The following SUGT1 variants were observed in gnomAD, a reference collection of about 807,000 sequenced individuals.
SUGT1 encodes the protein protein SGT1 homolog.
SUGT1 carries 15 observed loss-of-function variants against 56.1 expected under a neutral mutation model. That is an observed-to-expected ratio of 0.27 (90% CI 0.18 to 0.41). The LOEUF (loss-of-function observed/expected upper bound fraction) is 0.41, where lower values mean the gene tolerates loss of function less well. Among genes scored for constraint, SUGT1 ranks in the 10% least tolerant of loss-of-function variants. SUGT1 has a pLI of 1.00. For synonymous variants in SUGT1, 123 were observed against 128.6 expected (o/e 0.96, Z 0.30); for missense variants, 347 against 382.2 (o/e 0.91, Z 0.77).
At chr13:52,665,845 A>G (rs1157826265) in intron 9 of SUGT1, 112 bp downstream of exon 9, 4 of 687,814 alleles carry the variant, frequency 5.8e-6, no homozygotes, top group Non-Finnish European at 9.1e-6. Context: ...TCCTGAGATG[A>G]TTTGGAAAAT....
Position 52,659,263 on chromosome 13 carries a change from A to AG in SUGT1, c.328+14_328+15insG. On this transcript the variant is annotated intron_variant, in intron 5 of 12. Transcript: ENST00000310528. Reference sequence around the variant, plus strand: ...AAAAATTAGATAGTAAGTATTAAAAATTATACTTTAATAAACTTATCTATT... The same window carrying AG: ...AAAAATTAGATAGTAAGTATTAAAAAGTTATACTTTAATAAACTTATCTATT... The AG allele has an allele frequency of 7.2e-7, 1 of 1,395,428 alleles. No homozygotes were observed. Among genetic ancestry groups the AG allele is most frequent in the East Asian group, 2.8e-5 (1 of 35,994 alleles). The allele number at this position is 1,395,428 out of a possible 1,614,324, so 86.4% of individuals were successfully genotyped here.
At chr13:52,674,427 T>G (rs574532095) in intron 10 of SUGT1, among the ~76,000 whole-genome samples, 1 of 152,164 alleles carries the variant, frequency 6.6e-6, no homozygotes, top group African/African-American at 2.4e-5. Context: ...AAAATAAAAA[T>G]AAACGCTTGA....
chr13:52,659,477 A>AG (rs1962321610), intron 5 of SUGT1, among the ~76,000 whole-genome samples: 2 of 152,132 alleles, frequency 1.3e-5, no homozygotes, highest in South Asian at 4.1e-4. Context: ...AGTAAAAAAA[A>AG]CTATGGAAAC....
In SUGT1 at chr13:52,687,894, A is replaced by G; in HGVS notation, c.*59A>G. The G allele has an allele frequency of 9.1e-7, 1 of 1,101,734 alleles. No individual in the cohort carries two copies. Among genetic ancestry groups the G allele is most frequent in the Non-Finnish European group, 1.3e-6 (1 of 785,864 alleles). The allele number at this position is 1,101,734 out of a possible 1,614,324, so 68.2% of individuals were successfully genotyped here. A position where few individuals can be genotyped will look rare whatever the true frequency, so the allele number is the denominator to read the frequency against. ...TTCACCTAATGCCCATTGTGTATTG[A>G]TATTGCATTCTTGAATTTTGAACAC... On this transcript the variant is annotated 3_prime_UTR_variant, in exon 13 of 13. Transcript: ENST00000310528.
intron 8 of SUGT1, among the ~76,000 whole-genome samples, chr13:52,665,028 A>G (rs1298311067): frequency 5.3e-5 from 8 of 152,168 alleles, no homozygotes; most frequent in Non-Finnish European, 1.5e-5. Context: ...TAGACCCATT[A>G]GTCTTTCCAT....
At chr13:52,680,736 G>A (rs531134080) in intron 12 of SUGT1, among the ~76,000 whole-genome samples, 67 of 152,298 alleles carry the variant, frequency 4.4e-4, no homozygotes, top group African/African-American at 1.6e-3. Flanking sequence ...CATATTTACA[G>A]TAGAAAGTTA....
Position 52,658,227 on chromosome 13 carries a change from G to A in SUGT1, c.188-172G>A, listed in dbSNP as rs764659552. 10 of 1,515,706 alleles carry A rather than the reference G, an allele frequency of 6.6e-6. 1 individual carries two copies. The South Asian group carries it at 1.1e-4, about 17-fold the overall frequency. 93.9% of individuals were successfully genotyped at this position (1,515,706 alleles called of 1,614,324 possible). ...AGCTAAATGTTAAGCCAAAAGGAAG[G>A]TACAAGAGTAATATTTATTTGAATT... On this transcript the variant is annotated intron_variant, in intron 3 of 12. Transcript: ENST00000310528.
chr13:52,669,715 A>G (rs192676668), intron 10 of SUGT1, among the ~76,000 whole-genome samples: 2 of 152,290 alleles, frequency 1.3e-5, no homozygotes, highest in African/African-American at 2.4e-5. Context: ...TACCATATAT[A>G]TATATATGTG....
rs1349731053 is a variant in SUGT1, at chr13:52,693,634, T to A, written c.*5799T>A. Reference sequence around the variant, plus strand: ...AAAGGAGATAATAGGATCCCCCTCATGCCTCATGGTCTTAGTTGAATGAAT... The same window carrying A: ...AAAGGAGATAATAGGATCCCCCTCAAGCCTCATGGTCTTAGTTGAATGAAT... On this transcript the variant is annotated 3_prime_UTR_variant, in exon 13 of 13. Coordinates refer to ENST00000310528, the MANE Select transcript of SUGT1 (RefSeq NM_006704.5). 6.6e-6 allele frequency: 1 copy of A among 151,756 alleles called. No individual in the cohort carries two copies. The highest frequency in any genetic ancestry group is 1.5e-5 in the Non-Finnish European group (1 of 68,038). The allele number at this position is 151,756 out of a possible 1,614,324, so 9.4% of individuals were successfully genotyped here. A position where few individuals can be genotyped will look rare whatever the true frequency, so the allele number is the denominator to read the frequency against.
At chr13:52,666,985 T>C (rs1216770552) in intron 10 of SUGT1, 66 bp downstream of exon 10, 6 of 1,077,954 alleles carry the variant, frequency 5.6e-6, no homozygotes, top group Non-Finnish European at 8.4e-6. Flanking sequence ...GGTGAACTAA[T>C]CACCCATGTG....
rs1046402897 is a variant in SUGT1 at position 52,694,015 on chromosome 13, A to G, written c.*6180A>G. 11 of 152,236 alleles carry G rather than the reference A, an allele frequency of 7.2e-5. No homozygotes were observed. The East Asian group carries it at 1.7e-3, about 24-fold the overall frequency. The allele number at this position is 152,236 out of a possible 1,614,324, so 9.4% of individuals were successfully genotyped here. ...ATAATAGAATATACAATATACCGCA[A>G]TAAAACTTATGTGAACAGTTATTTT... On this transcript the variant is annotated 3_prime_UTR_variant, in exon 13 of 13. Transcript: ENST00000310528.
chr13:52,667,030 A>T (rs968455260), intron 10 of SUGT1, 111 bp downstream of exon 10: 1 of 681,104 alleles, frequency 1.5e-6, no homozygotes, highest in African/African-American at 1.8e-5. Context: ...GCCCTTTAAC[A>T]GGGACAAGAA....
chr13:52,670,386 CTA>C (rs1416822586), intron 10 of SUGT1, among the ~76,000 whole-genome samples: 4 of 152,186 alleles, frequency 2.6e-5, no homozygotes, highest in African/African-American at 9.7e-5. Flanking sequence ...AATTAAGAAA[CTA>C]TATGTCTTTC....
chr13:52,653,927 T>G (rs1026968129), intron 2 of SUGT1, among the ~76,000 whole-genome samples: 7 of 152,220 alleles, frequency 4.6e-5, no homozygotes, highest in Non-Finnish European at 7.3e-5. Context: ...ATAAGAAATG[T>G]GCCACATGGT....
At chr13:52,677,901 T>C (rs1035635331) in intron 11 of SUGT1, among the ~76,000 whole-genome samples, 3 of 152,200 alleles carry the variant, frequency 2.0e-5, no homozygotes, top group African/African-American at 4.8e-5. Context: ...AGATCAAGGC[T>C]TTTTAGTGTT....
rs1205219991 is a variant in SUGT1 at position 52,694,712 on chromosome 13, CG to C, written c.*6879del. The C allele has an allele frequency of 6.6e-6, 1 of 152,282 alleles. No homozygotes were observed. The highest frequency in any genetic ancestry group is 2.4e-5 in the African/African-American group (1 of 41,462). The allele number at this position is 152,282 out of a possible 1,614,324, so 9.4% of individuals were successfully genotyped here. Reference sequence around the variant, plus strand: ...TTTGTTTTTGTTTTTGTTTTTGAGACGGAGTCTTGCTCTGTCGCCCAGGCTG... The same window carrying C: ...TTTGTTTTTGTTTTTGTTTTTGAGACGAGTCTTGCTCTGTCGCCCAGGCTG... On this transcript the variant is annotated 3_prime_UTR_variant, in exon 13 of 13. Coordinates refer to ENST00000310528, the MANE Select transcript of SUGT1 (RefSeq NM_006704.5).
intron 10 of SUGT1, among the ~76,000 whole-genome samples, chr13:52,671,631 G>T (rs181775658): frequency 1.3e-5 from 2 of 152,202 alleles, no homozygotes; most frequent in Admixed American, 1.3e-4. Context: ...TTTAGCTGAG[G>T]ATATTGATAA....
intron 7 of SUGT1, among the ~76,000 whole-genome samples, chr13:52,663,738 C>A (rs1451763798): frequency 1.3e-5 from 2 of 152,208 alleles, no homozygotes; most frequent in African/African-American, 4.8e-5. Context: ...CTTTTCTAAT[C>A]ATGCCTTTAG....
chr13:52,680,884 C>T (rs1349186121), intron 12 of SUGT1, among the ~76,000 whole-genome samples: 1 of 152,146 alleles, frequency 6.6e-6, no homozygotes, highest in East Asian at 1.9e-4. Context: ...CTCTGTTGCC[C>T]AGGCTTGAGT....
Sources: allele counts gnomAD v4.1 joint callset (sites outside exome capture counted in the v4.1 genomes callset), GRCh38; gene constraint gnomAD v4.1.1; transcripts MANE v1.5; gene names NCBI Gene and HGNC (gene_info 2026-07-23, HGNC 2026-07-21).